The following CDC37L1 variants were observed in gnomAD, a reference collection of about 807,000 sequenced individuals.
CDC37L1 encodes cell division cycle 37 like 1, HSP90 cochaperone.
CDC37L1 carries 32 observed loss-of-function variants against 45.9 expected under a neutral mutation model. The observed-to-expected ratio is 0.70, with a 90% confidence interval of 0.53 to 0.94. The LOEUF (loss-of-function observed/expected upper bound fraction) is 0.94, where lower values mean the gene tolerates loss of function less well. Among genes scored for constraint, CDC37L1 ranks in the 40% least tolerant of loss-of-function variants. CDC37L1 has a pLI of 0.00. For synonymous variants in CDC37L1, 150 were observed against 133.0 expected (o/e 1.13, Z -0.88); for missense variants, 434 against 405.7 (o/e 1.07, Z -0.60).
chr9:4,684,278 A>ATCACAATAT (rs1841225408), intron 1 of CDC37L1, among the ~76,000 whole-genome samples: 1 of 152,186 alleles, frequency 6.6e-6, no homozygotes, highest in African/African-American at 2.4e-5. Flanking sequence ...GCAAGACTCC[A>ATCACAATAT]TCACAAAATA....
chr9:4,688,188 C>T (rs781633312), intron 2 of CDC37L1, among the ~76,000 whole-genome samples: 39 of 152,196 alleles, frequency 2.6e-4, no homozygotes, highest in Non-Finnish European at 5.1e-4. Context: ...TTAGTAGAGA[C>T]GGGGTTTCAC....
chr9:4,692,308 C>T (rs1418673772), intron 3 of CDC37L1, among the ~76,000 whole-genome samples: 5 of 149,078 alleles, frequency 3.4e-5, no homozygotes, highest in African/African-American at 7.4e-5. Context: ...TCGCTCTTGT[C>T]CCCCAGGCTG....
At position 4,688,611 on chromosome 9, in the gene CDC37L1, GTC is replaced by G. The variant is rs768863322; in HGVS notation, c.508+7_508+8del. The G allele has an allele frequency of 1.4e-6, 2 of 1,477,594 alleles. No individual in the cohort carries two copies. Among genetic ancestry groups the G allele is most frequent in the Non-Finnish European group, 1.8e-6 (2 of 1,090,078 alleles). 91.5% of individuals were successfully genotyped at this position (1,477,594 alleles called of 1,614,324 possible). A position where few individuals can be genotyped will look rare whatever the true frequency, so the allele number is the denominator to read the frequency against. On this transcript the variant is annotated splice_donor_region_variant and intron_variant, in intron 3 of 6. Coordinates refer to ENST00000381854, the MANE Select transcript of CDC37L1 (RefSeq NM_017913.4). ...AGCAAAAAATCAGACATTTTGGTAA[GTC>G]TACTACTTGGATTTCCTTCTTTGTA...
chr9:4,682,255 C>A (rs1262169713), intron 1 of CDC37L1, among the ~76,000 whole-genome samples: 1 of 149,674 alleles, frequency 6.7e-6, no homozygotes, highest in East Asian at 2.0e-4. Flanking sequence ...CTCCGCCTCC[C>A]AGGCTCATGT....
intron 6 of CDC37L1, chr9:4,703,295 T>C (rs532952697): frequency 8.3e-5 from 34 of 411,804 alleles, no homozygotes; most frequent in East Asian, 5.9e-4. Flanking sequence ...AGGAAAGTGA[T>C]TGATCATATT....
intron 3 of CDC37L1, among the ~76,000 whole-genome samples, chr9:4,690,953 G>C (rs1255172785): frequency 6.6e-6 from 1 of 152,240 alleles, no homozygotes; most frequent in African/African-American, 2.4e-5. Flanking sequence ...CATCAGTGGA[G>C]AGTGGACCAA....
chr9:4,708,314 A>T lies in CDC37L1; in HGVS notation c.*2202A>T. On this transcript the variant is annotated 3_prime_UTR_variant, in exon 7 of 7. Coordinates refer to ENST00000381854, the MANE Select transcript of CDC37L1 (RefSeq NM_017913.4). ...ATGGAAAGTGCAAACACATGAATGA[A>T]ACATTTTTTTACATCAAAGTATCAT... The T allele has an allele frequency of 6.6e-6, 1 of 152,248 alleles. No homozygotes were observed. The highest frequency in any genetic ancestry group is 1.9e-4 in the East Asian group (1 of 5,200). The allele number at this position is 152,248 out of a possible 1,614,324, so 9.4% of individuals were successfully genotyped here.
chr9:4,679,919 C>G lies in CDC37L1; in HGVS notation c.132+20C>G, dbSNP rs191901333. 3.7e-6 allele frequency: 6 copies of G among 1,613,018 alleles called. No homozygotes were observed. Among genetic ancestry groups the G allele is most frequent in the African/African-American group, 2.7e-5 (2 of 74,932 alleles). ...GCCCAGGTGAGAAGGGGCCTGCGTT[C>G]TGCGGAGGGATGGAGTGGTGCTGTC... On this transcript the variant is annotated intron_variant, in intron 1 of 6. Transcript: ENST00000381854.
Position 4,679,847 on chromosome 9 carries a change from A to C in CDC37L1, c.80A>C (p.Asp27Ala), listed in dbSNP as rs758829078. The change falls in exon 1 of 7, where the codon GAC (aspartate) becomes GCC (alanine). Residue 27 changes from aspartate to alanine, a missense_variant. Transcript: ENST00000381854. ...EGEAEEESDF[D>A]VFPSSPRCPQ... ...GAGGCTGAGGAAGAGAGTGACTTCG[A>C]CGTGTTCCCCAGTTCTCCCCGCTGC... The C allele has an allele frequency of 6.2e-7, 1 of 1,613,832 alleles. No individual in the cohort carries two copies. Among genetic ancestry groups the C allele is most frequent in the African/African-American group, 1.3e-5 (1 of 74,930 alleles).
chr9:4,683,018 AT>A (rs1841211464), intron 1 of CDC37L1, among the ~76,000 whole-genome samples: 2 of 142,602 alleles, frequency 1.4e-5, no homozygotes, highest in South Asian at 4.2e-4. Flanking sequence ...TATATATTAA[AT>A]ATATATTATA....
rs1240062216 is a variant in CDC37L1 at position 4,684,887 on chromosome 9, A to G, written c.143A>G (p.His48Arg). The G allele has an allele frequency of 2.5e-6, 4 of 1,610,148 alleles. No homozygotes were observed. Among genetic ancestry groups the G allele is most frequent in the African/African-American group, 1.3e-5 (1 of 74,958 alleles). Residue 48 changes from histidine to arginine, a missense_variant, in exon 2 of 7, where the codon CAT becomes CGT. By Grantham distance (29) the His-to-Arg change is conservative (BLOSUM62 0). Transcript: ENST00000381854. ...LPGGGAQMYS[H>R]GIELACQKQK... ...ATTGTTTTTATCCAGATGTATAGCCATGGAATTGAATTGGCTTGCCAAAAG... is the reference window on the plus strand; with the variant it reads ...ATTGTTTTTATCCAGATGTATAGCCGTGGAATTGAATTGGCTTGCCAAAAG...
chr9:4,696,997 A>G (rs1587621546), intron 3 of CDC37L1, 99 bp from the exon 4 acceptor site: 7 of 627,746 alleles, frequency 1.1e-5, no homozygotes, highest in Middle Eastern at 4.1e-4. Flanking sequence ...ATTTAAAAAT[A>G]CCATTGAGAG....
intron 5 of CDC37L1, among the ~76,000 whole-genome samples, chr9:4,698,129 CTT>C (rs1013977856): frequency 6.6e-6 from 1 of 152,126 alleles, no homozygotes; most frequent in African/African-American, 2.4e-5. Context: ...ATTCAGGAAA[CTT>C]ACGTTCCATC....
intron 2 of CDC37L1, chr9:4,685,378 A>G (rs933801950): frequency 2.7e-5 from 12 of 437,724 alleles, no homozygotes; most frequent in Admixed American, 7.2e-5. Context: ...ACTGAAATAC[A>G]TATTTATATA....
chr9:4,692,446 T>C (rs755398126), intron 3 of CDC37L1, among the ~76,000 whole-genome samples: 4 of 152,058 alleles, frequency 2.6e-5, no homozygotes, highest in Admixed American at 6.5e-5. Flanking sequence ...ATTTTTGTAT[T>C]TTTAGTAGAG....
At chr9:4,701,825 G>A (rs1011637004) in intron 5 of CDC37L1, 39 bp from the exon 6 acceptor site, 3 of 1,478,088 alleles carry the variant, frequency 2.0e-6, no homozygotes, top group Admixed American at 4.0e-5. Flanking sequence ...TAGAAATCTT[G>A]AAGAACACAG....
rs755859489 is a variant in CDC37L1, at chr9:4,688,537, A to G, written c.439A>G (p.Lys147Glu). ...NKSFINQDKRKDTEDEDKSES... is the reference protein window; with the variant it reads ...NKSFINQDKREDTEDEDKSES... Reference sequence around the variant, plus strand: ...GAGTTTTATTAATCAAGATAAAAGAAAAGACACAGAAGATGAAGATAAATC... The same window carrying G: ...GAGTTTTATTAATCAAGATAAAAGAGAAGACACAGAAGATGAAGATAAATC... The change falls in exon 3 of 7, where the codon AAA becomes GAA. Residue 147 changes from lysine to glutamate, a missense_variant. Physicochemically the swap from Lys to Glu is moderately conservative, Grantham distance 56. Coordinates refer to ENST00000381854, the MANE Select transcript of CDC37L1 (RefSeq NM_017913.4). 3.3e-6 allele frequency: 5 copies of G among 1,521,888 alleles called. No homozygotes were observed. Among genetic ancestry groups the G allele is most frequent in the Non-Finnish European group, 2.7e-6 (3 of 1,128,398 alleles). 94.3% of individuals were successfully genotyped at this position (1,521,888 alleles called of 1,614,324 possible). A position where few individuals can be genotyped will look rare whatever the true frequency, so the allele number is the denominator to read the frequency against.
In CDC37L1 at chr9:4,684,881, A is replaced by G. The variant is rs774429347; in HGVS notation, c.137A>G (p.Tyr46Cys). The G allele has an allele frequency of 6.2e-6, 10 of 1,608,242 alleles. No homozygotes were observed. Among genetic ancestry groups the G allele is most frequent in the Non-Finnish European group, 8.5e-6 (10 of 1,175,198 alleles). Residue 46 changes from tyrosine to cysteine, a missense_variant, in exon 2 of 7, where the codon TAT becomes TGT. Tyr to Cys is a radical substitution (Grantham distance 194, BLOSUM62 -2). Transcript: ENST00000381854. ...PQLPGGGAQM[Y>C]SHGIELACQK... is the part of the protein sequence containing the mutation. ...ACAAATATTGTTTTTATCCAGATGT[A>G]TAGCCATGGAATTGAATTGGCTTGC...
At chr9:4,683,224 G>C (rs1296399179) in intron 1 of CDC37L1, among the ~76,000 whole-genome samples, 2 of 150,738 alleles carry the variant, frequency 1.3e-5, no homozygotes, top group Non-Finnish European at 2.9e-5. Context: ...TAAAACATCT[G>C]AATAGCAAGT....
Sources: allele counts gnomAD v4.1 joint callset (sites outside exome capture counted in the v4.1 genomes callset), GRCh38; gene constraint gnomAD v4.1.1; transcripts MANE v1.5; gene names NCBI Gene and HGNC (gene_info 2026-07-23, HGNC 2026-07-21).